The following NMRK1 variants were observed in gnomAD, a reference collection of about 807,000 sequenced individuals.
The protein encoded by NMRK1 is NRK 1.
Under a neutral mutation model 29.9 loss-of-function variants are expected in NMRK1, and 28 were observed. The observed-to-expected ratio is 0.94, with a 90% CI of 0.69 to 1.28. The LOEUF is 1.28. NMRK1 is among the 50% of genes most tolerant of loss of function. The probability of loss-of-function intolerance (pLI) is 0.00; values close to 1 mark genes in which losing one functional copy is unlikely to be tolerated. For synonymous variants in NMRK1, 58 were observed against 73.0 expected (o/e 0.79, Z 1.05); for missense variants, 218 against 233.1 (o/e 0.94, Z 0.42).
chr9:75,072,262 C>A (rs922413196), intron 4 of NMRK1, among the ~76,000 whole-genome samples: 1 of 152,140 alleles, frequency 6.6e-6, no homozygotes, highest in Non-Finnish European at 1.5e-5. Flanking sequence ...AATCTTTAGC[C>A]AGCATGCTTT....
rs1823006800 is a variant in NMRK1, at chr9:75,061,304, A to ATAG, written c.*243_*244insCTA. 1 of 431,818 alleles carries ATAG rather than the reference A, an allele frequency of 2.3e-6. No homozygotes were observed. Among genetic ancestry groups the ATAG allele is most frequent in the Non-Finnish European group, 4.1e-6 (1 of 243,600 alleles). 26.7% of individuals were successfully genotyped at this position (431,818 alleles called of 1,614,324 possible). On this transcript the variant is annotated 3_prime_UTR_variant, in exon 9 of 9. Coordinates refer to ENST00000361092, the MANE Select transcript of NMRK1 (RefSeq NM_017881.3). ...TCAGAAAGTGGAGACTTTCTGACTCACTGTGAGCTCTGCTGTATCTATGCG... is the reference window on the plus strand; with the variant it reads ...TCAGAAAGTGGAGACTTTCTGACTCATAGCTGTGAGCTCTGCTGTATCTATGCG...
At position 75,077,248 on chromosome 9, in the gene NMRK1, A is replaced by G. The variant is rs778499925; in HGVS notation, c.121-41T>C. The G allele has an allele frequency of 8.3e-6, 11 of 1,321,668 alleles. No homozygotes were observed. The Admixed American group carries it at 2.2e-4, about 27-fold the overall frequency. The allele number at this position is 1,321,668 out of a possible 1,614,324, so 81.9% of individuals were successfully genotyped here. On this transcript the variant is annotated intron_variant, in intron 3 of 8. Transcript: ENST00000361092. ...AGTACCCATCAAAACAGTGTGTAGG[A>G]AAGAAATAATACAATTATAGACTAA...
chr9:75,086,904 C>T (rs1824675631), intron 1 of NMRK1, among the ~76,000 whole-genome samples: 1 of 130,320 alleles, frequency 7.7e-6, no homozygotes. Flanking sequence ...TCCCTCAAGG[C>T]TGGGTTTTTT....
At chr9:75,066,181 C>T (rs1420602933) in intron 8 of NMRK1, 2 of 476,402 alleles carry the variant, frequency 4.2e-6, no homozygotes, top group Non-Finnish European at 8.3e-6. Flanking sequence ...GAACACTAGG[C>T]ATAAATGAGT....
At chr9:75,073,880 C>T (rs112346267) in intron 4 of NMRK1, among the ~76,000 whole-genome samples, 7 of 152,272 alleles carry the variant, frequency 4.6e-5, no homozygotes, top group African/African-American at 1.7e-4. Context: ...GTTGTTTTAT[C>T]TTCCTGTCGA....
At chr9:75,069,132 G>T in intron 6 of NMRK1, 30 bp from the exon 7 acceptor site, 1 of 1,428,672 alleles carries the variant, frequency 7.0e-7, no homozygotes, top group South Asian at 1.2e-5. Context: ...ACTTTATGTT[G>T]ACAGAAACAC....
intron 4 of NMRK1, among the ~76,000 whole-genome samples, chr9:75,073,683 G>A (rs1587380512): frequency 1.3e-5 from 2 of 152,142 alleles, no homozygotes; most frequent in African/African-American, 4.8e-5. Context: ...AGGTTGCAGT[G>A]AGCCAAGATC....
At chr9:75,083,539 C>T (rs1824444626) in intron 1 of NMRK1, among the ~76,000 whole-genome samples, 1 of 152,224 alleles carries the variant, frequency 6.6e-6, no homozygotes, top group South Asian at 2.1e-4. Flanking sequence ...GGAGGGACCC[C>T]TGTGGGCTGG....
At chr9:75,073,809 C>G (rs1327342812) in intron 4 of NMRK1, among the ~76,000 whole-genome samples, 1 of 152,182 alleles carries the variant, frequency 6.6e-6, no homozygotes, top group East Asian at 1.9e-4. Flanking sequence ...CTCCTCTTAG[C>G]TCTGTCAGTG....
At position 75,070,041 on chromosome 9, in the gene NMRK1, C is replaced by G; in HGVS notation, c.171G>C (p.Val57=). ...TDKNGFLQYD[V]LEALNMEKMM... Reference sequence around the variant, plus strand: ...TTTTTTCCATGTTAAGTGCTTCAAGCACTTCAAACAAACACACAAAAATAT... The same window carrying G: ...TTTTTTCCATGTTAAGTGCTTCAAGGACTTCAAACAAACACACAAAAATAT... Residue 57 remains valine (V), a splice_region_variant and synonymous_variant, in exon 5 of 9, where the codon GTG becomes GTC. Transcript: ENST00000361092. 1 of 1,602,000 alleles carries G rather than the reference C, an allele frequency of 6.2e-7. No homozygotes were observed. Among genetic ancestry groups the G allele is most frequent in the South Asian group, 1.1e-5 (1 of 88,286 alleles).
At chr9:75,087,939 C>T (rs1824777158) in intron 1 of NMRK1, 69 bp downstream of exon 1, 1 of 153,990 alleles carries the variant, frequency 6.5e-6, no homozygotes, top group East Asian at 1.9e-4. Context: ...GCACAGAAAC[C>T]CTCTGGAAAC....
chr9:75,064,854 T>C (rs1367601205), intron 8 of NMRK1, among the ~76,000 whole-genome samples: 3 of 152,248 alleles, frequency 2.0e-5, no homozygotes, highest in Admixed American at 6.5e-5. Context: ...GATGATTGCA[T>C]TTTGCTGGTG....
At chr9:75,064,050 A>G (rs1425898852) in intron 8 of NMRK1, among the ~76,000 whole-genome samples, 4 of 152,110 alleles carry the variant, frequency 2.6e-5, no homozygotes, top group Non-Finnish European at 5.9e-5. Context: ...GTAGGGAAGG[A>G]AGGAGGGGCG....
chr9:75,065,723 A>T (rs1342110076), intron 8 of NMRK1, among the ~76,000 whole-genome samples: 1 of 152,218 alleles, frequency 6.6e-6, no homozygotes, highest in East Asian at 1.9e-4. Context: ...CCCTGGCCAT[A>T]GTGATTGGTT....
chr9:75,082,436 T>C (rs1359510272), intron 2 of NMRK1, among the ~76,000 whole-genome samples: 1 of 152,206 alleles, frequency 6.6e-6, no homozygotes, highest in Non-Finnish European at 1.5e-5. Context: ...GATATTTTAT[T>C]AATTGGGTCA....
chr9:75,062,112 T>C (rs1823056670), intron 8 of NMRK1, among the ~76,000 whole-genome samples: 1 of 152,170 alleles, frequency 6.6e-6, no homozygotes, highest in Non-Finnish European at 1.5e-5. Flanking sequence ...ACTACATAAG[T>C]GACACTTCTG....
At chr9:75,072,052 G>A (rs1312141428) in intron 4 of NMRK1, among the ~76,000 whole-genome samples, 2 of 152,168 alleles carry the variant, frequency 1.3e-5, no homozygotes, top group East Asian at 3.9e-4. Context: ...ATGAAGGGAG[G>A]ACAGTTTTGC....
intron 8 of NMRK1, among the ~76,000 whole-genome samples, chr9:75,062,629 G>T (rs1413311985): frequency 6.6e-6 from 1 of 152,164 alleles, no homozygotes; most frequent in Non-Finnish European, 1.5e-5. Context: ...TCTTGTAAAA[G>T]ACAGATTGAT....
intron 2 of NMRK1, chr9:75,078,256 T>C: frequency 6.5e-7 from 1 of 1,545,288 alleles, no homozygotes; most frequent in Non-Finnish European, 8.7e-7. Flanking sequence ...AAACTGCATA[T>C]GGTCACTGTG....
Sources: gnomAD v4.1 joint callset for allele counts (sites outside exome capture counted in the v4.1 genomes callset) on GRCh38, gnomAD v4.1.1 for gene constraint, MANE v1.5 for transcripts, NCBI Gene and HGNC (gene_info 2026-07-23, HGNC 2026-07-21) for gene names.